CACNA1B: variants seen among roughly 807,000 people sequenced by gnomAD.
CACNA1B encodes the protein calcium voltage-gated channel subunit alpha1 B.
In CACNA1B, 70 loss-of-function variants were observed where a neutral mutation model predicts 247.2. The observed-to-expected ratio is 0.28, with a 90% CI of 0.23 to 0.35. The LOEUF (loss-of-function observed/expected upper bound fraction) is 0.35, where lower values mean the gene tolerates loss of function less well. Ranked by LOEUF, CACNA1B falls within the 10% of genes least tolerant of loss-of-function variation. CACNA1B has a pLI of 1.00. For synonymous variants in CACNA1B, 1,231 were observed against 1,294.4 expected (o/e 0.95, Z 1.05); for missense variants, 2,367 against 3,197.4 (o/e 0.74, Z 6.26).
At chr9:137,949,132 G>A (rs1473685145) in intron 6 of CACNA1B, among the ~76,000 whole-genome samples, 1 of 378 alleles carries the variant, frequency 2.6e-3, no homozygotes, top group Non-Finnish European at 5.7e-3. Flanking sequence ...GTGTGTGTGT[G>A]TGTGGTGTAT....
rs776821119 is a variant in CACNA1B, at chr9:138,121,867, C to T, written c.6888C>T (p.Tyr2296=). Residue 2296 remains tyrosine, a synonymous_variant, in exon 47 of 47, where the codon TAC becomes TAT. Transcript: ENST00000371372. The surrounding 1 kb of genome is among the most constrained non-coding windows in gnomAD (Gnocchi z 6.8). ...CGGGCCGCTCCTCCAGGACTTCCTA[C>T]GTGTCCTCCCTGACCTCCCAGTCTC... ...TNSGRSSRTS[Y]VSSLTSQSHP... 18 of 1,613,214 alleles carry T rather than the reference C, an allele frequency of 1.1e-5. No individual in the cohort carries two copies. Among genetic ancestry groups the T allele is most frequent in the East Asian group, 2.2e-5 (1 of 44,888 alleles).
At chr9:138,101,515 C>T (rs780652825) in intron 37 of CACNA1B, among the ~76,000 whole-genome samples, 5 of 152,226 alleles carry the variant, frequency 3.3e-5, no homozygotes, top group South Asian at 2.1e-4. Context: ...TCCGAGCTCT[C>T]GAGAGTGAGC....
chr9:138,016,250 C>T (rs530706840), intron 18 of CACNA1B, among the ~76,000 whole-genome samples: 7 of 152,232 alleles, frequency 4.6e-5, no homozygotes, highest in Non-Finnish European at 1.0e-4. Flanking sequence ...GGCAAGTAAG[C>T]TGGTTTGACT....
rs540354871 is a variant in CACNA1B, at chr9:137,921,428, C to T, written c.966+3997C>T. 5.9e-5 allele frequency among the ~76,000 whole-genome samples: 9 copies of T among 152,208 alleles called. No individual in the cohort carries two copies. The South Asian group carries it at 1.2e-3, about 21-fold the overall frequency. On this transcript the variant is annotated intron_variant, in intron 6 of 46. Coordinates refer to ENST00000371372, the MANE Select transcript of CACNA1B (RefSeq NM_000718.4). The stretch of plus-strand genomic sequence containing the variant: ...CGGAGAACATGGTCAGCACCACGAC[C>T]GCACAGCATCCTGGGAGCAGAGTAA...
In CACNA1B at chr9:138,102,900, GT is replaced by G. The variant is rs200003254; in HGVS notation, c.5319+94del. ...TCTCCCAGCTCCTCTCCCTTTCAGG[GT>G]GCCCGGCTGTCTGTCTGCCGCTCTG... On this transcript the variant is annotated intron_variant, in intron 38 of 46. Coordinates refer to ENST00000371372, the MANE Select transcript of CACNA1B (RefSeq NM_000718.4). The surrounding 1 kb of genome is among the most constrained non-coding windows in gnomAD (Gnocchi z 5.4). The G allele has an allele frequency of 1.4e-6, 1 of 710,166 alleles. No individual in the cohort carries two copies. The allele number at this position is 710,166 out of a possible 1,614,324, so 44.0% of individuals were successfully genotyped here.
intron 21 of CACNA1B, 113 bp downstream of exon 21, chr9:138,044,013 G>T: frequency 7.2e-7 from 1 of 1,379,846 alleles, no homozygotes. Flanking sequence ...TAGAGAAACG[G>T]CTCTAAATCC....
chr9:138,053,717 C>G (rs926190147), intron 25 of CACNA1B, 129 bp from the exon 26 acceptor site: 1 of 709,846 alleles, frequency 1.4e-6, no homozygotes, highest in Admixed American at 1.9e-5. Flanking sequence ...ACGGCCATGC[C>G]CTCCCACCTT....
intron 6 of CACNA1B, among the ~76,000 whole-genome samples, chr9:137,923,722 A>G (rs1248353764): frequency 2.0e-5 from 3 of 152,232 alleles, no homozygotes; most frequent in Admixed American, 1.3e-4. Context: ...TAAGAAACCA[A>G]AGCTTTTCCA....
At chr9:138,090,817 T>A (rs1200140453) in intron 36 of CACNA1B, among the ~76,000 whole-genome samples, 1 of 147,564 alleles carries the variant, frequency 6.8e-6, no homozygotes, top group Non-Finnish European at 1.5e-5. Flanking sequence ...TAAGAAAAAG[T>A]GCTCAACATC....
chr9:138,027,037 T>G (rs779279499), intron 20 of CACNA1B, among the ~76,000 whole-genome samples: 30 of 152,250 alleles, frequency 2.0e-4, no homozygotes, highest in Admixed American at 1.2e-3. Context: ...CATCTTTTAA[T>G]GTGCTTATTT....
intron 6 of CACNA1B, among the ~76,000 whole-genome samples, chr9:137,943,088 G>T (rs12341378): frequency 0.33 from 48,966 of 148,074 alleles, 10,553 homozygotes; most frequent in East Asian, 0.66. Context: ...CTTTTGTAAA[G>T]CCTGCTGAAA....
chr9:137,933,888 T>C (rs1031570449), intron 6 of CACNA1B, among the ~76,000 whole-genome samples: 3 of 152,016 alleles, frequency 2.0e-5, no homozygotes, highest in Admixed American at 6.6e-5. Flanking sequence ...GTGACCATTA[T>C]GGAACAAAAA....
At chr9:138,082,007 A>G (rs1960536593) in intron 36 of CACNA1B, among the ~76,000 whole-genome samples, 1 of 151,190 alleles carries the variant, frequency 6.6e-6, no homozygotes, top group African/African-American at 2.4e-5. Flanking sequence ...ATTAACATAA[A>G]ATTAAATAAC....
rs1240752524 is a variant in CACNA1B at position 137,957,908 on chromosome 9, C to T, written c.1333+221C>T. On this transcript the variant is annotated intron_variant, in intron 10 of 46. Coordinates refer to ENST00000371372, the MANE Select transcript of CACNA1B (RefSeq NM_000718.4). This position sits in a 1 kb window ranked among gnomAD's most constrained non-coding sequence, Gnocchi z 4.7. ...TGGAGGACTCTATAGGGCCACCTCTCTCTTCAGCCCCTGTCTCTTTTTCAC... is the reference window on the plus strand; with the variant it reads ...TGGAGGACTCTATAGGGCCACCTCTTTCTTCAGCCCCTGTCTCTTTTTCAC... Among the ~76,000 whole-genome samples the T allele has an allele frequency of 3.9e-5, 6 of 152,248 alleles. No individual in the cohort carries two copies. The highest frequency in any genetic ancestry group is 1.5e-5 in the Non-Finnish European group (1 of 68,040).
At chr9:137,977,256 T>G (rs1218938026) in intron 12 of CACNA1B, among the ~76,000 whole-genome samples, 25 of 4,202 alleles carry the variant, frequency 5.9e-3, no homozygotes, top group East Asian at 7.5e-3. Context: ...CAGAGGGCAG[T>G]GCTGGGCAGT....
chr9:137,976,801 G>A (rs1450570629), intron 12 of CACNA1B, among the ~76,000 whole-genome samples: 2 of 117,588 alleles, frequency 1.7e-5, no homozygotes, highest in African/African-American at 7.3e-5. Flanking sequence ...ACCAACTTAT[G>A]TAGGTAGGGA....
At position 138,057,937 on chromosome 9, in the gene CACNA1B, C is replaced by G; in HGVS notation, c.4106+68C>G. 1 of 1,576,398 alleles carries G rather than the reference C, an allele frequency of 6.3e-7. No individual in the cohort carries two copies. Among genetic ancestry groups the G allele is most frequent in the Non-Finnish European group, 8.7e-7 (1 of 1,151,346 alleles). On this transcript the variant is annotated intron_variant, in intron 27 of 46. Transcript: ENST00000371372. This position sits in a 1 kb window ranked among gnomAD's most constrained non-coding sequence, Gnocchi z 4.0. Reference sequence around the variant, plus strand: ...CTGAGCTCGGCCTCCCTTCCTCCCTCTATCCCTGGGCTCAGGCATGGAAGC... The same window carrying G: ...CTGAGCTCGGCCTCCCTTCCTCCCTGTATCCCTGGGCTCAGGCATGGAAGC...
At chr9:138,070,376 G>A (rs1279984757) in intron 32 of CACNA1B, among the ~76,000 whole-genome samples, 1 of 152,214 alleles carries the variant, frequency 6.6e-6, no homozygotes, top group Non-Finnish European at 1.5e-5. Context: ...GAAGAAGGGG[G>A]CTCTGCCCCT....
intron 12 of CACNA1B, among the ~76,000 whole-genome samples, chr9:137,982,086 T>C (rs554012393): frequency 6.6e-6 from 1 of 152,300 alleles, no homozygotes; most frequent in South Asian, 2.1e-4. Flanking sequence ...GGGAACAAAT[T>C]ATCCAAAAGC....
Sources: gnomAD v4.1 joint callset for allele counts (sites outside exome capture counted in the v4.1 genomes callset) on GRCh38, gnomAD v4.1.1 for gene constraint, Gnocchi (gnomAD v3.1) non-coding constraint, MANE v1.5 for transcripts, NCBI Gene and HGNC (gene_info 2026-07-23, HGNC 2026-07-21) for gene names.